The following CBLB variants were observed in gnomAD, a reference collection of about 807,000 sequenced individuals.
CBLB encodes Cbl proto-oncogene B.
Under a neutral mutation model 104.9 loss-of-function variants are expected in CBLB, and 31 were observed. The ratio of observed to expected loss-of-function variants is 0.30; its 90% CI spans 0.22 to 0.40. CBLB has a LOEUF of 0.40. Ranked by LOEUF, CBLB falls within the 10% of genes least tolerant of loss-of-function variation. CBLB has a pLI of 1.00. For missense variants in CBLB, 1,062 were observed against 1,214.6 expected (o/e 0.87, Z 1.87); for synonymous variants, 440 against 422.6 (o/e 1.04, Z -0.51).
intron 4 of CBLB, among the ~76,000 whole-genome samples, chr3:105,755,972 C>G (rs936485817): frequency 6.6e-6 from 1 of 152,050 alleles, no homozygotes; most frequent in African/African-American, 2.4e-5. Context: ...AAATTTTGTC[C>G]TTTATGATCC....
At chr3:105,764,057 G>A (rs2077955584) in intron 4 of CBLB, among the ~76,000 whole-genome samples, 1 of 152,138 alleles carries the variant, frequency 6.6e-6, no homozygotes, top group Admixed American at 6.5e-5. Context: ...TTTGACCCAG[G>A]GAGAAATACT....
chr3:105,655,541 G>A lies in CBLB; in HGVS notation c.*3429C>T, dbSNP rs1266653718. The A allele has an allele frequency of 5.6e-6, 1 of 178,116 alleles. No homozygotes were observed. The highest frequency in any genetic ancestry group is 1.2e-5 in the Non-Finnish European group (1 of 83,144). 11.0% of individuals were successfully genotyped at this position (178,116 alleles called of 1,614,324 possible). A position where few individuals can be genotyped will look rare whatever the true frequency, so the allele number is the denominator to read the frequency against. On this transcript the variant is annotated 3_prime_UTR_variant, in exon 19 of 19. Coordinates refer to ENST00000394030, the MANE Select transcript of CBLB (RefSeq NM_170662.5). Reference sequence around the variant, plus strand: ...GTTACATAATAACCAGAATTGAAAAGGAATGAATAAAATATAAATTAATTG... The same window carrying A: ...GTTACATAATAACCAGAATTGAAAAAGAATGAATAAAATATAAATTAATTG...
intron 3 of CBLB, among the ~76,000 whole-genome samples, chr3:105,812,350 G>C (rs936175505): frequency 1.3e-5 from 2 of 152,122 alleles, no homozygotes; most frequent in Non-Finnish European, 2.9e-5. Context: ...AAACAGACCA[G>C]TCACATCCCA....
At chr3:105,761,606 T>C (rs753846061) in intron 4 of CBLB, among the ~76,000 whole-genome samples, 11 of 152,246 alleles carry the variant, frequency 7.2e-5, no homozygotes, top group Non-Finnish European at 1.6e-4. Context: ...GCCATGATTG[T>C]GAGGTCTCCC....
intron 3 of CBLB, among the ~76,000 whole-genome samples, chr3:105,800,888 T>C (rs1205748029): frequency 6.6e-6 from 1 of 151,966 alleles, no homozygotes; most frequent in Non-Finnish European, 1.5e-5. Context: ...ATAATAAACA[T>C]GAAAACAAAT....
intron 4 of CBLB, among the ~76,000 whole-genome samples, chr3:105,774,485 A>T (rs1197458171): frequency 6.6e-6 from 1 of 152,246 alleles, no homozygotes; most frequent in African/African-American, 2.4e-5. Context: ...GCAGTCATCC[A>T]CAAATTAAAA....
At chr3:105,859,768 T>C (rs1695820622) in intron 2 of CBLB, among the ~76,000 whole-genome samples, 2 of 151,830 alleles carry the variant, frequency 1.3e-5, no homozygotes, top group Non-Finnish European at 2.9e-5. Flanking sequence ...CTCTTTATAA[T>C]AACAGGTACC....
chr3:105,762,407 A>AG (rs1313060182), intron 4 of CBLB: 1 of 152,272 alleles, frequency 6.6e-6, no homozygotes, highest in Non-Finnish European at 1.5e-5. Context: ...AGGCCTAGGA[A>AG]GAAAAAATGG....
At chr3:105,811,096 T>C (rs768996250) in intron 3 of CBLB, among the ~76,000 whole-genome samples, 1 of 152,148 alleles carries the variant, frequency 6.6e-6, no homozygotes, top group African/African-American at 2.4e-5. Context: ...GATTAAAGAG[T>C]ATTTTTCAGG....
At chr3:105,804,520 CA>C (rs201528644) in intron 3 of CBLB, among the ~76,000 whole-genome samples, 125 of 108,456 alleles carry the variant, frequency 1.2e-3, no homozygotes, top group Middle Eastern at 5.6e-3. Context: ...GACTCTGTCT[CA>C]AAAAAAAAAA....
chr3:105,665,416 A>AATATAT (rs71111381), intron 18 of CBLB, among the ~76,000 whole-genome samples: 11 of 98,630 alleles, frequency 1.1e-4, no homozygotes, highest in East Asian at 7.5e-4. Context: ...TAAATAAATA[A>AATATAT]ATATATATAT....
chr3:105,709,783 C>T (rs763805421), intron 10 of CBLB, among the ~76,000 whole-genome samples: 13 of 151,806 alleles, frequency 8.6e-5, no homozygotes, highest in Non-Finnish European at 1.6e-4. Context: ...AGACATGTAA[C>T]CGTGTCGAAT....
upstream of CBLB, chr3:105,869,225 G>A (rs11711088): frequency 0.71 from 454,212 of 641,856 alleles, 164,727 homozygotes; most frequent in Middle Eastern, 0.79. Flanking sequence ...CTCGCAGCAC[G>A]TCAGAAAGGA....
At chr3:105,789,537 C>T (rs956546731) in intron 3 of CBLB, among the ~76,000 whole-genome samples, 2 of 152,132 alleles carry the variant, frequency 1.3e-5, no homozygotes, top group African/African-American at 4.8e-5. Flanking sequence ...GATAACCACA[C>T]AATGAACTGA....
In CBLB at chr3:105,681,474, T is replaced by G; in HGVS notation, c.2428+5A>C. ...GTTGTTCAAAACTTTTTTAAAGGTT[T>G]CAACCTAATGGAGGGATGAGAAGAT... On this transcript the variant is annotated splice_donor_5th_base_variant and intron_variant, in intron 16 of 18. Coordinates refer to ENST00000394030, the MANE Select transcript of CBLB (RefSeq NM_170662.5). 6.2e-7 allele frequency: 1 copy of G among 1,614,086 alleles called. No homozygotes were observed. The highest frequency in any genetic ancestry group is 8.5e-7 in the Non-Finnish European group (1 of 1,179,948).
At chr3:105,754,154 G>C (rs1177267514) in intron 4 of CBLB, among the ~76,000 whole-genome samples, 1 of 151,998 alleles carries the variant, frequency 6.6e-6, no homozygotes, top group Non-Finnish European at 1.5e-5. Context: ...ACAGAGGTAG[G>C]GGGAAGGGGA....
chr3:105,801,937 C>T (rs1222992966), intron 3 of CBLB, among the ~76,000 whole-genome samples: 1 of 152,144 alleles, frequency 6.6e-6, no homozygotes, highest in Non-Finnish European at 1.5e-5. Flanking sequence ...GAGGAAGTTG[C>T]CTGGATTCTA....
chr3:105,722,136 G>A (rs1358732380), intron 9 of CBLB, among the ~76,000 whole-genome samples: 2 of 147,830 alleles, frequency 1.4e-5, no homozygotes, highest in Non-Finnish European at 3.0e-5. Context: ...GGAGTTTGAG[G>A]CTGCAGTGAG....
At chr3:105,864,659 A>G (rs550721770) in intron 2 of CBLB, among the ~76,000 whole-genome samples, 14 of 152,312 alleles carry the variant, frequency 9.2e-5, no homozygotes, top group African/African-American at 3.4e-4. Flanking sequence ...TCTACATCTT[A>G]TAAGGAACAC....
Sources: allele counts gnomAD v4.1 joint callset (sites outside exome capture counted in the v4.1 genomes callset), GRCh38; gene constraint gnomAD v4.1.1; transcripts MANE v1.5; gene names NCBI Gene and HGNC (gene_info 2026-07-23, HGNC 2026-07-21).